C2CD3: variants seen among roughly 807,000 people sequenced by gnomAD.
C2CD3 encodes C2 domain containing 3 centriole elongation regulator.
Under a neutral mutation model 234.0 loss-of-function variants are expected in C2CD3, and 148 were observed. The observed-to-expected ratio is 0.63, with a 90% confidence interval of 0.55 to 0.72. The LOEUF (loss-of-function observed/expected upper bound fraction) is 0.72. C2CD3 is among the 30% of genes least tolerant of loss of function. C2CD3 has a pLI of 0.00. For missense variants in C2CD3, 2,577 were observed against 2,811.5 expected (o/e 0.92, Z 1.89); for synonymous variants, 1,000 against 1,035.4 (o/e 0.97, Z 0.66).
chr11:74,051,502 T>C (rs945410347), intron 26 of C2CD3, among the ~76,000 whole-genome samples: 3 of 152,174 alleles, frequency 2.0e-5, no homozygotes, highest in African/African-American at 7.2e-5. Flanking sequence ...AGAAAAGGAA[T>C]GGCTTGGAAG....
At chr11:74,081,325 G>T (rs1051489886) in intron 22 of C2CD3, among the ~76,000 whole-genome samples, 1 of 152,106 alleles carries the variant, frequency 6.6e-6, no homozygotes, top group African/African-American at 2.4e-5. Flanking sequence ...CTTGGTGGTT[G>T]TGTCTATTTT....
chr11:74,143,535 T>TA lies in C2CD3; in HGVS notation c.484-3708_484-3707insT, dbSNP rs1854951007. On this transcript the variant is annotated intron_variant, in intron 3 of 32. Coordinates refer to ENST00000334126, the MANE Select transcript of C2CD3 (RefSeq NM_001286577.2). The stretch of plus-strand genomic sequence containing the variant: ...ATCAAGCTAATTTTATTTTATATAT[T>TA]TATATATATATATATTTAATATATA... Among the ~76,000 whole-genome samples the TA allele has an allele frequency of 2.1e-5, 3 of 145,862 alleles. No homozygotes were observed. In the South Asian group the frequency reaches 6.4e-4, roughly 31 times the overall value.
chr11:74,138,421 G>T lies in C2CD3; in HGVS notation c.955+299C>A, dbSNP rs183220982. On this transcript the variant is annotated intron_variant, in intron 5 of 32. Coordinates refer to ENST00000334126, the MANE Select transcript of C2CD3 (RefSeq NM_001286577.2). ...AACCTTACCTGCCTTGAATTATTTG[G>T]GACAAAGTAAGGACTAATCCTTTTC... 5.9e-5 allele frequency among the ~76,000 whole-genome samples: 9 copies of T among 152,200 alleles called. No individual in the cohort carries two copies. The East Asian group carries it at 1.7e-3, about 29-fold the overall frequency.
chr11:74,106,623 C>T, intron 12 of C2CD3, 130 bp from the exon 13 acceptor site: 2 of 780,252 alleles, frequency 2.6e-6, no homozygotes, highest in Non-Finnish European at 4.0e-6. Context: ...TTATCTAAGA[C>T]AACTCTGAGA....
At chr11:74,050,048 G>T (rs916718571) in intron 26 of C2CD3, among the ~76,000 whole-genome samples, 4 of 152,058 alleles carry the variant, frequency 2.6e-5, no homozygotes, top group African/African-American at 9.7e-5. Context: ...CCAAAGTGTT[G>T]GGATTACACA....
Position 74,103,384 on chromosome 11 carries a change from G to A in C2CD3, c.2327C>T (p.Pro776Leu). 1 of 1,614,196 alleles carries A rather than the reference G, an allele frequency of 6.2e-7. No homozygotes were observed. Among genetic ancestry groups the A allele is most frequent in the Non-Finnish European group, 8.5e-7 (1 of 1,180,038 alleles). ...CGTAGCTACGAAGGTTGAAGGATGT[G>A]GTGCTACAGGGCTTGGTGACTTTCG... ...PNRKSPSPVA[P>L]HPSTFVATPA... Residue 776 changes from proline (P) to leucine (L), a missense_variant, in exon 14 of 33, where the codon CCA becomes CTA. Physicochemically the swap from Pro to Leu is moderately conservative, Grantham distance 98. Coordinates refer to ENST00000334126, the MANE Select transcript of C2CD3 (RefSeq NM_001286577.2).
At chr11:74,114,855 T>C (rs1177391183) in intron 9 of C2CD3, among the ~76,000 whole-genome samples, 1 of 151,996 alleles carries the variant, frequency 6.6e-6, no homozygotes, top group African/African-American at 2.4e-5. Flanking sequence ...GCATGGGTCA[T>C]CACACTTGGC....
At chr11:74,086,796 T>TA (rs1955661915) in intron 20 of C2CD3, among the ~76,000 whole-genome samples, 1 of 152,246 alleles carries the variant, frequency 6.6e-6, no homozygotes, top group Non-Finnish European at 1.5e-5. Context: ...CCCAAGGCGA[T>TA]AGAGTTGACA....
intron 1 of C2CD3, among the ~76,000 whole-genome samples, chr11:74,169,978 C>A (rs764708004): frequency 1.3e-5 from 2 of 152,140 alleles, no homozygotes; most frequent in Non-Finnish European, 2.9e-5. Context: ...TCCTTTTTCC[C>A]TTCGAGGCAG....
chr11:74,046,804 T>C (rs1038990666), intron 28 of C2CD3, among the ~76,000 whole-genome samples: 1 of 152,212 alleles, frequency 6.6e-6, no homozygotes, highest in African/African-American at 2.4e-5. Context: ...ACCTGAGTTG[T>C]TTATAGTTTT....
intron 32 of C2CD3, among the ~76,000 whole-genome samples, chr11:74,023,162 G>A (rs141787119): frequency 0.012 from 1,784 of 152,334 alleles, 27 homozygotes; most frequent in Middle Eastern, 0.034. Flanking sequence ...TCATTTCAGT[G>A]TGGAGTGAAA....
At chr11:74,120,843 TA>T (rs574973415) in intron 8 of C2CD3, among the ~76,000 whole-genome samples, 105 of 152,086 alleles carry the variant, frequency 6.9e-4, no homozygotes, top group Non-Finnish European at 1.1e-3. Flanking sequence ...GAAGGATTAG[TA>T]CCAGCAAAAA....
At position 74,103,373 on chromosome 11, in the gene C2CD3, T is replaced by C. The variant is rs1590810435; in HGVS notation, c.2338A>G (p.Thr780Ala). The C allele has an allele frequency of 2.5e-6, 4 of 1,614,178 alleles. No homozygotes were observed. Among genetic ancestry groups the C allele is most frequent in the South Asian group, 1.1e-5 (1 of 91,084 alleles). ...TGGGAGGCTGGCGTAGCTACGAAGG[T>C]TGAAGGATGTGGTGCTACAGGGCTT... ...SPSPVAPHPS[T>A]FVATPASHNL... The change falls in exon 14 of 33, where the codon ACC becomes GCC. Residue 780 changes from threonine (T) to alanine (A), a missense_variant. By Grantham distance (58) the Thr-to-Ala change is moderately conservative. Coordinates refer to ENST00000334126, the MANE Select transcript of C2CD3 (RefSeq NM_001286577.2).
At chr11:74,168,936 A>G (rs1202218227) in intron 1 of C2CD3, among the ~76,000 whole-genome samples, 1 of 152,260 alleles carries the variant, frequency 6.6e-6, no homozygotes, top group African/African-American at 2.4e-5. Context: ...TTACTATTTG[A>G]AAAATACAAA....
At chr11:74,165,340 A>G (rs1203310291) in intron 2 of C2CD3, among the ~76,000 whole-genome samples, 4 of 152,196 alleles carry the variant, frequency 2.6e-5, no homozygotes, top group African/African-American at 7.2e-5. Context: ...TCTTCATGCA[A>G]TAGTGACTTC....
intron 9 of C2CD3, 142 bp from the exon 10 acceptor site, chr11:74,114,735 T>C (rs1956868017): frequency 1.6e-6 from 1 of 624,538 alleles, no homozygotes; most frequent in Non-Finnish European, 2.8e-6. Flanking sequence ...AGGGTGTTGC[T>C]CTGTCACCCA....
intron 24 of C2CD3, among the ~76,000 whole-genome samples, chr11:74,059,320 A>T (rs1193710741): frequency 6.9e-6 from 1 of 145,480 alleles, no homozygotes; most frequent in Non-Finnish European, 1.5e-5. Flanking sequence ...CTGAGGCAGG[A>T]GAATGGCGTG....
chr11:74,098,334 T>A, intron 15 of C2CD3, 79 bp from the exon 16 acceptor site: 1 of 1,456,888 alleles, frequency 6.9e-7, no homozygotes, highest in Non-Finnish European at 9.3e-7. Flanking sequence ...TGACTCATTT[T>A]TTCAGTTTGT....
chr11:74,100,403 A>G lies in C2CD3; in HGVS notation c.2732+122T>C, dbSNP rs1028342799. The G allele has an allele frequency of 4.5e-5, 40 of 880,250 alleles. No individual in the cohort carries two copies. In the Admixed American group the frequency reaches 1.0e-3, roughly 22 times the overall value. The allele number at this position is 880,250 out of a possible 1,614,324, so 54.5% of individuals were successfully genotyped here. ...GAGAAAGAGCAGCAACTCTGTTGAA[A>G]CTGGAAAAAGTCCTTCAAGGGATTA... On this transcript the variant is annotated intron_variant, in intron 15 of 32. Coordinates refer to ENST00000334126, the MANE Select transcript of C2CD3 (RefSeq NM_001286577.2).
Sources: allele counts gnomAD v4.1 joint callset (sites outside exome capture counted in the v4.1 genomes callset), GRCh38; gene constraint gnomAD v4.1.1; transcripts MANE v1.5; gene names NCBI Gene and HGNC (gene_info 2026-07-23, HGNC 2026-07-21).